Variants in CHD5 observed in about 807,000 individuals in gnomAD.
CHD5 encodes the protein chromodomain helicase DNA binding protein 5, also known as ATP-dependent chromatin remodeler CHD5.
CHD5 carries 69 observed loss-of-function variants against 230.3 expected under a neutral mutation model. That is an observed-to-expected ratio of 0.30 (90% CI 0.25 to 0.37). The LOEUF (loss-of-function observed/expected upper bound fraction) is 0.37, where lower values mean the gene tolerates loss of function less well. Ranked by LOEUF, CHD5 falls within the 10% of genes least tolerant of loss-of-function variation. The pLI is 1.00. For synonymous variants in CHD5, 1,064 were observed against 1,065.9 expected (o/e 1.00, Z 0.03); for missense variants, 1,827 against 2,622.8 (o/e 0.70, Z 6.63).
rs200914257 is a variant in CHD5, at chr1:6,102,275, GA to G, written c.*3198del. On this transcript the variant is annotated 3_prime_UTR_variant, in exon 42 of 42. Transcript: ENST00000262450. ...TTAAAAAAAAAATCTGAAAATTAAA[GA>G]AAAAAAAAACACAACGCCAGTGAGT... 31 of 151,578 alleles carry G rather than the reference GA, an allele frequency of 2.0e-4. No individual in the cohort carries two copies. The highest frequency in any genetic ancestry group is 1.2e-3 in the East Asian group (6 of 4,858). 9.4% of individuals were successfully genotyped at this position (151,578 alleles called of 1,614,324 possible).
intron 15 of CHD5, among the ~76,000 whole-genome samples, 165 bp from the exon 16 acceptor site, chr1:6,137,030 G>A (rs1666756393): frequency 6.6e-6 from 1 of 152,072 alleles, no homozygotes; most frequent in African/African-American, 2.4e-5. Context: ...TGACCACCAA[G>A]CAGAGGGGCA....
At position 6,101,961 on chromosome 1, in the gene CHD5, CG is replaced by C; in HGVS notation, c.*3512del. 4 of 418,958 alleles carry C rather than the reference CG, an allele frequency of 9.5e-6. No homozygotes were observed. Among genetic ancestry groups the C allele is most frequent in the Admixed American group, 2.8e-5 (1 of 35,660 alleles). The allele number at this position is 418,958 out of a possible 1,614,324, so 26.0% of individuals were successfully genotyped here. ...CTTCCAAAGCTGGACCCGCCCCCGC[CG>C]GGGCCACCCTGGCTGGGACTCCTGG... On this transcript the variant is annotated 3_prime_UTR_variant, in exon 42 of 42. Transcript: ENST00000262450.
rs1199925802 is a variant in CHD5 at position 6,147,956 on chromosome 1, G to A, written c.1383+898C>T. On this transcript the variant is annotated intron_variant, in intron 9 of 41. Transcript: ENST00000262450. ...CATGGACCCTCCTACCCCCATCCCA[G>A]CCCCTCAGGGAAGAAGCTGAGAGGA... Among the ~76,000 whole-genome samples, 4 of 151,836 alleles carry A rather than the reference G, an allele frequency of 2.6e-5. No homozygotes were observed. The East Asian group carries it at 7.7e-4, about 29-fold the overall frequency.
chr1:6,143,016 G>A (rs561237144), intron 13 of CHD5, among the ~76,000 whole-genome samples: 6 of 151,336 alleles, frequency 4.0e-5, no homozygotes, highest in Admixed American at 1.3e-4. Flanking sequence ...TGGGGCATTC[G>A]CAACGCCCCC....
At chr1:6,114,609 G>A (rs1557538060) in intron 33 of CHD5, among the ~76,000 whole-genome samples, 1 of 151,620 alleles carries the variant, frequency 6.6e-6, no homozygotes, top group Non-Finnish European at 1.5e-5. Context: ...CACATTCAAA[G>A]CCATCCTGGG....
chr1:6,170,817 T>A (rs1338254126), intron 1 of CHD5, among the ~76,000 whole-genome samples: 1 of 152,114 alleles, frequency 6.6e-6, no homozygotes, highest in Non-Finnish European at 1.5e-5. Flanking sequence ...CTCGGAGTCG[T>A]CCTGCAGAGC....
In CHD5 at chr1:6,151,032, T is replaced by C. The variant is rs776484404; in HGVS notation, c.994A>G (p.Ile332Val). ...KSKRRRKKKR[I>V]DDGDGYETDH... Reference sequence around the variant, plus strand: ...GAACTCTCTGGAAGGGGAGTCATACTCCTCTTCTTCTTGCGCCTCCTCTTG... The same window carrying C: ...GAACTCTCTGGAAGGGGAGTCATACCCCTCTTCTTCTTGCGCCTCCTCTTG... The change falls in exon 7 of 42, where the codon ATT (isoleucine) becomes GTT (valine). Residue 332 changes from isoleucine (I) to valine (V), a missense_variant and splice_region_variant. Transcript: ENST00000262450. 6.4e-7 allele frequency: 1 copy of C among 1,560,720 alleles called. No individual in the cohort carries two copies. The highest frequency in any genetic ancestry group is 1.8e-5 in the Admixed American group (1 of 56,352).
intron 1 of CHD5, among the ~76,000 whole-genome samples, chr1:6,178,553 C>T (rs1256506478): frequency 6.6e-6 from 1 of 152,012 alleles, no homozygotes; most frequent in Admixed American, 6.5e-5. Context: ...CAGAGTTCCC[C>T]TCCGGAGAAT....
At chr1:6,166,354 A>G (rs1376966510) in intron 2 of CHD5, among the ~76,000 whole-genome samples, 2 of 151,754 alleles carry the variant, frequency 1.3e-5, no homozygotes, top group South Asian at 2.1e-4. Context: ...GCACAGTCAG[A>G]GCACACTCAG....
At position 6,166,174 on chromosome 1, in the gene CHD5, T is replaced by A. The variant is rs376762787; in HGVS notation, c.207+1976A>T. 1.9e-3 allele frequency among the ~76,000 whole-genome samples: 277 copies of A among 148,912 alleles called. 1 individual carries two copies. Among genetic ancestry groups the A allele is most frequent in the African/African-American group, 6.3e-3 (250 of 39,960 alleles). ...GCAGAATTGGGCAGAGGGGCCAGGG[T>A]CTCTCTAGGGGAAGACAGGGTGGTA... is the stretch of plus-strand genomic sequence containing the variant. On this transcript the variant is annotated intron_variant, in intron 2 of 41. Transcript: ENST00000262450.
At position 6,126,170 on chromosome 1, in the gene CHD5, C is replaced by T. The variant is rs566496469; in HGVS notation, c.4079-312G>A. On this transcript the variant is annotated intron_variant, in intron 26 of 41. Transcript: ENST00000262450. This position sits in a 1 kb window ranked among gnomAD's most constrained non-coding sequence, Gnocchi z 5.7. ...TTCCCCCAAACACCCAGCACCTCTG[C>T]ACCTGCCCCCAGTCCCCTTTCCTCC... Among the ~76,000 whole-genome samples, 1 of 152,284 alleles carries T rather than the reference C, an allele frequency of 6.6e-6. No homozygotes were observed. The highest frequency in any genetic ancestry group is 2.4e-5 in the African/African-American group (1 of 41,548).
chr1:6,151,993 A>C (rs1362882263), intron 6 of CHD5, among the ~76,000 whole-genome samples: 1 of 151,652 alleles, frequency 6.6e-6, no homozygotes, highest in African/African-American at 2.4e-5. Context: ...CCCACATACC[A>C]CTTCTCTAGG....
chr1:6,112,455 A>C (rs1054160334), intron 34 of CHD5, among the ~76,000 whole-genome samples, 178 bp from the exon 35 acceptor site: 1 of 152,230 alleles, frequency 6.6e-6, no homozygotes, highest in African/African-American at 2.4e-5. Context: ...TGTCCTGGGC[A>C]GGGAGGCTTA....
chr1:6,120,154 C>T (rs1467750155), intron 33 of CHD5, among the ~76,000 whole-genome samples: 6 of 152,126 alleles, frequency 3.9e-5, no homozygotes, highest in Non-Finnish European at 4.4e-5. Context: ...AGCCACCATG[C>T]CCAGCCCTAA....
At chr1:6,168,969 G>T (rs1667295006) in intron 1 of CHD5, among the ~76,000 whole-genome samples, 1 of 151,350 alleles carries the variant, frequency 6.6e-6, no homozygotes, top group Non-Finnish European at 1.5e-5. Flanking sequence ...CAGTGAGCTG[G>T]GATCGCACAA....
chr1:6,124,792 G>A, intron 29 of CHD5, 131 bp from the exon 30 acceptor site: 1 of 703,474 alleles, frequency 1.4e-6, no homozygotes, highest in Non-Finnish European at 2.3e-6. Flanking sequence ...TCAGGCCTGG[G>A]CCAGGCCCGG....
chr1:6,135,093 G>A (rs753701174), intron 18 of CHD5, 137 bp downstream of exon 18: 17 of 1,086,260 alleles, frequency 1.6e-5, no homozygotes, highest in East Asian at 2.4e-5. Context: ...GAGGCCCCAC[G>A]AAGAAAGTGT....
rs1362145844 is a variant in CHD5, at chr1:6,146,417, G to A, written c.1597C>T (p.Leu533=). The A allele has an allele frequency of 6.2e-7, 1 of 1,613,196 alleles. No individual in the cohort carries two copies. Among genetic ancestry groups the A allele is most frequent in the African/African-American group, 1.3e-5 (1 of 74,994 alleles). The change falls in exon 11 of 42, where the codon CTG becomes TTG. Residue 533 remains leucine (L), a synonymous_variant. Coordinates refer to ENST00000262450, the MANE Select transcript of CHD5 (RefSeq NM_015557.3). This position sits in a 1 kb window ranked among gnomAD's most constrained non-coding sequence, Gnocchi z 5.1. ...TTGCGATACATCACCGTGTGGTACA[G>A]CTCCAGCTGCTCATGGAGCGGCACA... ...CSWVKELQLE[L]YHTVMYRNYQ...
Position 6,124,826 on chromosome 1 carries a change from G to T in CHD5, c.4395-165C>A, listed in dbSNP as rs116418976. On this transcript the variant is annotated intron_variant, in intron 29 of 41. Transcript: ENST00000262450. ...GGGAAAGGACAGAGAGGGCCTCCCT[G>T]GCGAGGGGACCTCCTAGGACAGCCC... is the stretch of plus-strand genomic sequence containing the variant. 7.7e-3 allele frequency among the ~76,000 whole-genome samples: 1,166 copies of T among 152,288 alleles called. 5 individuals are homozygous for T. Among genetic ancestry groups the T allele is most frequent in the Non-Finnish European group, 0.013 (866 of 67,992 alleles).
Sources: allele counts gnomAD v4.1 joint callset (sites outside exome capture counted in the v4.1 genomes callset), GRCh38; gene constraint gnomAD v4.1.1; non-coding constraint Gnocchi (gnomAD v3.1); transcripts MANE v1.5; gene names NCBI Gene and HGNC (gene_info 2026-07-23, HGNC 2026-07-21).